Variants in ARMC8 observed in about 807,000 individuals in gnomAD.
ARMC8 encodes the protein armadillo repeat containing 8.
ARMC8 carries 20 observed loss-of-function variants against 99.3 expected under a neutral mutation model. That is an observed-to-expected ratio of 0.20 (90% confidence interval 0.14 to 0.29). The LOEUF (loss-of-function observed/expected upper bound fraction) is 0.29. Ranked by LOEUF, ARMC8 falls within the 10% of genes least tolerant of loss-of-function variation. ARMC8 has a pLI of 1.00. For missense variants in ARMC8, 569 were observed against 809.5 expected, an observed-to-expected ratio of 0.70 and a Z score of 3.60; for synonymous variants, 263 against 278.3, an observed-to-expected ratio of 0.95 and a Z score of 0.55.
chr3:138,289,222 C>T, intron 20 of ARMC8, 102 bp downstream of exon 20: 3 of 876,646 alleles, frequency 3.4e-6, no homozygotes, highest in Non-Finnish European at 5.4e-6. Context: ...AGGCTCTGTT[C>T]TTGGACCATC....
At chr3:138,264,619 C>T (rs1421096736) in intron 14 of ARMC8, among the ~76,000 whole-genome samples, 4 of 151,396 alleles carry the variant, frequency 2.6e-5, no homozygotes, top group Admixed American at 6.6e-5. Flanking sequence ...GGGGTTTCAC[C>T]ATATTGGTCA....
chr3:138,223,569 G>A, intron 4 of ARMC8, 38 bp downstream of exon 4: 2 of 1,614,058 alleles, frequency 1.2e-6, no homozygotes, highest in African/African-American at 2.7e-5. Flanking sequence ...TTAAGGTTAA[G>A]AATCAGTTTG....
At chr3:138,210,039 C>G (rs2044606542) in intron 2 of ARMC8, 146 bp downstream of exon 2, 1 of 525,906 alleles carries the variant, frequency 1.9e-6, no homozygotes, top group Admixed American at 3.7e-5. Flanking sequence ...ACATTCATGA[C>G]GTTTAATATT....
At position 138,241,763 on chromosome 3, in the gene ARMC8, T is replaced by G. The variant is rs780916549; in HGVS notation, c.838-20T>G. 1 of 1,612,292 alleles carries G rather than the reference T, an allele frequency of 6.2e-7. No individual in the cohort carries two copies. Among genetic ancestry groups the G allele is most frequent in the Non-Finnish European group, 8.5e-7 (1 of 1,178,792 alleles). On this transcript the variant is annotated intron_variant, in intron 10 of 21. Coordinates refer to ENST00000469044, the MANE Select transcript of ARMC8 (RefSeq NM_001363941.2). ...TTTACCTTTACCAAAAAGCAAATAA[T>G]TAATCTCACTACCTTTCAGACATTA...
chr3:138,211,130 A>G (rs2044671801), intron 2 of ARMC8, among the ~76,000 whole-genome samples: 1 of 152,178 alleles, frequency 6.6e-6, no homozygotes, highest in Admixed American at 6.5e-5. Context: ...TAAATAAATC[A>G]GTTTGGGTTG....
intron 13 of ARMC8, 90 bp from the exon 14 acceptor site, chr3:138,264,041 G>A: frequency 8.4e-7 from 1 of 1,195,480 alleles, no homozygotes; most frequent in Non-Finnish European, 1.2e-6. Context: ...TGCTTGAAGT[G>A]TACATTAGTC....
At position 138,296,024 on chromosome 3, in the gene ARMC8, T is replaced by C; in HGVS notation, c.*132T>C. On this transcript the variant is annotated 3_prime_UTR_variant, in exon 22 of 22. Transcript: ENST00000469044. ...AGGGAGCTGTTTTGCAAAAGCAGTT[T>C]AGTAGGCTTAGATCTCAAATTCATC... 2 of 780,274 alleles carry C rather than the reference T, an allele frequency of 2.6e-6. No individual in the cohort carries two copies. Among genetic ancestry groups the C allele is most frequent in the Non-Finnish European group, 2.0e-6 (1 of 505,998 alleles). The allele number at this position is 780,274 out of a possible 1,614,324, so 48.3% of individuals were successfully genotyped here.
intron 3 of ARMC8, among the ~76,000 whole-genome samples, chr3:138,222,457 G>A (rs1052414217): frequency 2.0e-5 from 3 of 152,072 alleles, no homozygotes; most frequent in East Asian, 1.9e-4. Context: ...TTAAGTTAAC[G>A]TAAGAAGTTT....
intron 12 of ARMC8, among the ~76,000 whole-genome samples, chr3:138,249,658 G>A (rs1364183066): frequency 2.6e-5 from 4 of 151,990 alleles, no homozygotes; most frequent in African/African-American, 7.2e-5. Flanking sequence ...TCCAATTAGT[G>A]TCTGATTTTT....
At chr3:138,235,179 C>A in intron 7 of ARMC8, 65 bp downstream of exon 7, 2 of 1,102,992 alleles carry the variant, frequency 1.8e-6, no homozygotes, top group Non-Finnish European at 2.7e-6. Flanking sequence ...AACAGACCCA[C>A]ATATTTTTAT....
At chr3:138,242,950 C>G (rs1053300502) in intron 11 of ARMC8, among the ~76,000 whole-genome samples, 1 of 152,134 alleles carries the variant, frequency 6.6e-6, no homozygotes, top group Non-Finnish European at 1.5e-5. Context: ...TGTGTCTGCT[C>G]TTCTTTCAGT....
intron 1 of ARMC8, 92 bp downstream of exon 1, chr3:138,187,691 C>A (rs2043140376): frequency 7.2e-7 from 1 of 1,389,562 alleles, no homozygotes; most frequent in East Asian, 2.5e-5. Context: ...CTCCTGGGCA[C>A]CACCCCCTGG....
In ARMC8 at chr3:138,237,301, T is replaced by C. The variant is rs752561005; in HGVS notation, c.610-8T>C. ...ACACATTTTTTGTTTGTTCATTTAT[T>C]TTTACAGGTTCGAATGCAAGCACTG... On this transcript the variant is annotated splice_region_variant and splice_polypyrimidine_tract_variant and intron_variant, in intron 7 of 21. Coordinates refer to ENST00000469044, the MANE Select transcript of ARMC8 (RefSeq NM_001363941.2). 2.7e-5 allele frequency: 44 copies of C among 1,610,486 alleles called. No individual in the cohort carries two copies. The highest frequency in any genetic ancestry group is 1.2e-4 in the Admixed American group (7 of 58,856).
chr3:138,255,295 C>T (rs566254422), intron 12 of ARMC8, among the ~76,000 whole-genome samples: 9 of 151,526 alleles, frequency 5.9e-5, no homozygotes, highest in African/African-American at 1.5e-4. Flanking sequence ...CTCCACCTCC[C>T]GGGCTCAGGC....
At chr3:138,224,247 T>A (rs1016527476) in intron 5 of ARMC8, among the ~76,000 whole-genome samples, 1 of 151,342 alleles carries the variant, frequency 6.6e-6, no homozygotes, top group Non-Finnish European at 1.5e-5. Flanking sequence ...TGTGAGCCAC[T>A]GCGCCCGACA....
At chr3:138,223,844 T>C in intron 5 of ARMC8, 111 bp downstream of exon 5, 1 of 912,058 alleles carries the variant, frequency 1.1e-6, no homozygotes, top group Non-Finnish European at 1.7e-6. Flanking sequence ...AAAGTCTCAG[T>C]TGGTCATGGT....
chr3:138,249,298 G>T (rs989353288), intron 12 of ARMC8, among the ~76,000 whole-genome samples: 2 of 151,730 alleles, frequency 1.3e-5, no homozygotes, highest in African/African-American at 4.8e-5. Context: ...TATAGTCAGG[G>T]GTTTCACTGT....
chr3:138,275,223 T>C (rs2049162645), intron 18 of ARMC8, among the ~76,000 whole-genome samples: 1 of 152,216 alleles, frequency 6.6e-6, no homozygotes, highest in African/African-American at 2.4e-5. Context: ...CTTCAGTTTT[T>C]TGACATAGGT....
intron 2 of ARMC8, among the ~76,000 whole-genome samples, chr3:138,219,712 T>C (rs2045286160): frequency 6.6e-6 from 1 of 152,224 alleles, no homozygotes; most frequent in Admixed American, 6.5e-5. Context: ...TATATTTACT[T>C]ACTAAAGCCA....
Sources: allele counts gnomAD v4.1 joint callset (sites outside exome capture counted in the v4.1 genomes callset), GRCh38; gene constraint gnomAD v4.1.1; transcripts MANE v1.5; gene names NCBI Gene and HGNC (gene_info 2026-07-23, HGNC 2026-07-21).